SLC8A1: variants seen among roughly 807,000 people sequenced by gnomAD.
SLC8A1 encodes sodium/calcium exchanger 1.
In SLC8A1, 18 loss-of-function variants were observed where a neutral mutation model predicts 68.3. The observed-to-expected ratio is 0.26, with a 90% confidence interval of 0.18 to 0.39. SLC8A1 has a LOEUF of 0.39. Among genes scored for constraint, SLC8A1 ranks in the 10% least tolerant of loss-of-function variants. The pLI is 1.00. For missense variants in SLC8A1, 985 were observed against 1,156.7 expected (o/e 0.85, Z 2.15); for synonymous variants, 475 against 415.5 (o/e 1.14, Z -1.74).
chr2:40,424,972 AC>A, intron 2 of SLC8A1, among the ~76,000 whole-genome samples: 1 of 151,972 alleles, frequency 6.6e-6, no homozygotes, highest in East Asian at 1.9e-4. Flanking sequence ...ACAATCATTA[AC>A]AGCACTTCAA....
chr2:40,318,714 T>C (rs928285645), intron 2 of SLC8A1, among the ~76,000 whole-genome samples: 8 of 152,204 alleles, frequency 5.3e-5, no homozygotes, highest in Admixed American at 1.3e-4. Context: ...TTTTATTTAC[T>C]AACTGCAATT....
chr2:40,308,353 A>G (rs1257468335), intron 2 of SLC8A1, among the ~76,000 whole-genome samples: 1 of 152,154 alleles, frequency 6.6e-6, no homozygotes, highest in East Asian at 1.9e-4. Context: ...ACTGTACTTC[A>G]TTTGTTTTTT....
intron 2 of SLC8A1, among the ~76,000 whole-genome samples, chr2:40,368,401 T>G (rs567467598): frequency 4.6e-5 from 7 of 152,206 alleles, no homozygotes; most frequent in African/African-American, 1.4e-4. Flanking sequence ...GGAGTTTTAA[T>G]GAACCTATTT....
intron 7 of SLC8A1, among the ~76,000 whole-genome samples, chr2:40,117,776 C>G (rs1269268802): frequency 1.3e-5 from 2 of 152,136 alleles, no homozygotes; most frequent in East Asian, 1.9e-4. Context: ...CTGTACTAGT[C>G]TCTCCCCTCT....
intron 2 of SLC8A1, among the ~76,000 whole-genome samples, chr2:40,221,502 A>T (rs1263369742): frequency 6.6e-6 from 1 of 152,194 alleles, no homozygotes; most frequent in African/African-American, 2.4e-5. Flanking sequence ...CACCACTCCT[A>T]TTCAACATAG....
At chr2:40,197,105 T>C (rs372275289) in intron 2 of SLC8A1, among the ~76,000 whole-genome samples, 2 of 152,048 alleles carry the variant, frequency 1.3e-5, no homozygotes, top group African/African-American at 4.8e-5. Context: ...AGCCTGTTAC[T>C]TGTTACTGTA....
At chr2:40,333,424 C>T (rs1157724933) in intron 2 of SLC8A1, among the ~76,000 whole-genome samples, 19 of 117,800 alleles carry the variant, frequency 1.6e-4, no homozygotes, top group Admixed American at 4.7e-4. Flanking sequence ...GGCAAGAGAG[C>T]GAGACTCCGT....
intron 1 of SLC8A1, among the ~76,000 whole-genome samples, chr2:40,437,718 G>C (rs1559686351): frequency 6.6e-6 from 1 of 151,748 alleles, no homozygotes; most frequent in South Asian, 2.1e-4. Context: ...CTGTCTTGGG[G>C]GTCATTTTTC....
intron 1 of SLC8A1, among the ~76,000 whole-genome samples, chr2:40,476,389 C>G (rs1400418824): frequency 6.6e-6 from 1 of 152,114 alleles, no homozygotes; most frequent in Non-Finnish European, 1.5e-5. Context: ...GAAATAAAGT[C>G]TTAGCCTTCA....
rs559894013 is a variant in SLC8A1, at chr2:40,237,217, T to C, written c.1809-59362A>G. Among the ~76,000 whole-genome samples, 7 of 152,350 alleles carry C rather than the reference T, an allele frequency of 4.6e-5. No individual in the cohort carries two copies. In the South Asian group the frequency reaches 6.2e-4, roughly 14 times the overall value. ...CAGCTTGTTTTCCAACTTGGTTCCA[T>C]TGTCCCCATCGCTTTCAGGTACACC... On this transcript the variant is annotated intron_variant, in intron 2 of 7. Coordinates refer to ENST00000406785, the Ensembl canonical transcript of SLC8A1.
chr2:40,163,402 G>A (rs1228897018), intron 5 of SLC8A1, among the ~76,000 whole-genome samples: 1 of 152,166 alleles, frequency 6.6e-6, no homozygotes, highest in Non-Finnish European at 1.5e-5. Flanking sequence ...CTTGCTTCAG[G>A]AATACCAACC....
intron 2 of SLC8A1, among the ~76,000 whole-genome samples, chr2:40,350,682 ATATAAG>A (rs993828714): frequency 1.5e-4 from 22 of 148,642 alleles, no homozygotes; most frequent in South Asian, 2.1e-4. Context: ...CATTAGCCTT[ATATAAG>A]TATATCTTTT....
At chr2:40,285,394 T>G (rs77380725) in intron 2 of SLC8A1, among the ~76,000 whole-genome samples, 2,295 of 152,298 alleles carry the variant, frequency 0.015, 63 homozygotes, top group African/African-American at 0.052. Flanking sequence ...ACTATGGGGC[T>G]GATTTAGGCA....
At position 40,200,244 on chromosome 2, in the gene SLC8A1, AT is replaced by A. The variant is rs2054055258; in HGVS notation, c.1809-22390del. ...TTTTTTTATATATATATATAAATAT[AT>A]ATATATATATATATATATATATAAC... On this transcript the variant is annotated intron_variant, in intron 2 of 7. Transcript: ENST00000406785. 2.5e-4 allele frequency among the ~76,000 whole-genome samples: 4 copies of A among 16,136 alleles called. 1 individual carries two copies. The highest frequency in any genetic ancestry group is 3.1e-4 in the African/African-American group (2 of 6,442). 10.6% of individuals were successfully genotyped at this position (16,136 alleles called of 152,430 possible).
chr2:40,196,527 T>A (rs192157937), intron 2 of SLC8A1, among the ~76,000 whole-genome samples: 65 of 152,076 alleles, frequency 4.3e-4, no homozygotes, highest in African/African-American at 1.5e-3. Context: ...GTCGTTATCA[T>A]CAAATCAGAG....
intron 1 of SLC8A1, among the ~76,000 whole-genome samples, chr2:40,489,744 G>A (rs552597679): frequency 5.3e-5 from 8 of 152,024 alleles, no homozygotes; most frequent in East Asian, 3.9e-4. Context: ...CAGCTCCATC[G>A]AGAACCATTA....
intron 2 of SLC8A1, among the ~76,000 whole-genome samples, chr2:40,330,386 G>T (rs2076288804): frequency 6.6e-6 from 1 of 152,146 alleles, no homozygotes; most frequent in Non-Finnish European, 1.5e-5. Context: ...AAAACTATGT[G>T]TGTTGTTGGA....
chr2:40,214,734 G>T (rs536628040), intron 2 of SLC8A1, among the ~76,000 whole-genome samples: 1 of 151,944 alleles, frequency 6.6e-6, no homozygotes, highest in African/African-American at 2.4e-5. Context: ...CACTGCATCC[G>T]GCCTGTTTGT....
At chr2:40,314,188 A>C (rs538086045) in intron 2 of SLC8A1, among the ~76,000 whole-genome samples, 1 of 152,202 alleles carries the variant, frequency 6.6e-6, no homozygotes, top group Admixed American at 6.6e-5. Context: ...AGTGTGAAGT[A>C]ATAGATCAAA....
Sources: gnomAD v4.1 joint callset for allele counts (sites outside exome capture counted in the v4.1 genomes callset) on GRCh38, gnomAD v4.1.1 for gene constraint, MANE v1.5 for transcripts, NCBI Gene and HGNC (gene_info 2026-07-23, HGNC 2026-07-21) for gene names.